Variants in PKIB observed in about 807,000 individuals in gnomAD.
PKIB encodes the protein PKI-beta.
A neutral mutation model predicts 4.5 loss-of-function variants in PKIB; 2 were observed. That is an observed-to-expected ratio of 0.44 (90% confidence interval 0.18 to 1.39). PKIB has a LOEUF of 1.39. Among genes scored for constraint, PKIB ranks in the 40% most tolerant of loss-of-function variants. The pLI is 0.27. For synonymous variants in PKIB, 38 were observed against 36.0 expected (o/e 1.06, Z -0.20); for missense variants, 94 against 92.6 (o/e 1.02, Z -0.06).
chr6:122,527,843 A>G (rs1460604091), intron 2 of PKIB, among the ~76,000 whole-genome samples: 1 of 152,218 alleles, frequency 6.6e-6, no homozygotes, highest in Non-Finnish European at 1.5e-5. Context: ...TTCAATTTGT[A>G]AGAAACACAA....
At chr6:122,533,718 T>C (rs1245326007) in intron 2 of PKIB, among the ~76,000 whole-genome samples, 1 of 152,192 alleles carries the variant, frequency 6.6e-6, no homozygotes. Context: ...TTTACAACTC[T>C]AAAGCTAACT....
upstream of PKIB, among the ~76,000 whole-genome samples, chr6:122,609,042 A>G (rs1229839598): frequency 7.0e-6 from 1 of 143,218 alleles, no homozygotes; most frequent in Non-Finnish European, 1.6e-5. Context: ...CACTAATGAT[A>G]TAAATAACTC....
chr6:122,686,463 A>AT (rs1327740322), intron 3 of PKIB, among the ~76,000 whole-genome samples: 9 of 150,962 alleles, frequency 6.0e-5, no homozygotes, highest in Non-Finnish European at 8.9e-5. Flanking sequence ...TTTGAGAAAT[A>AT]TTTTTTTTCA....
intron 2 of PKIB, among the ~76,000 whole-genome samples, chr6:122,642,400 T>G (rs1159375969): frequency 2.0e-5 from 3 of 152,220 alleles, no homozygotes; most frequent in Non-Finnish European, 2.9e-5. Context: ...TGCTTATGTT[T>G]AAAAAACACG....
intron 2 of PKIB, among the ~76,000 whole-genome samples, chr6:122,526,812 C>T (rs1460457916): frequency 1.3e-5 from 2 of 152,060 alleles, no homozygotes; most frequent in Non-Finnish European, 2.9e-5. Flanking sequence ...GCTAAAGTTA[C>T]CAGCTGTGTT....
intron 4 of PKIB, among the ~76,000 whole-genome samples, chr6:122,721,932 G>T (rs193191434): frequency 6.6e-6 from 1 of 152,044 alleles, no homozygotes; most frequent in Non-Finnish European, 1.5e-5. Context: ...TCAAAAAAGT[G>T]AGATAAGTAA....
chr6:122,663,554 G>A (rs1326145192), intron 2 of PKIB, among the ~76,000 whole-genome samples: 1 of 152,174 alleles, frequency 6.6e-6, no homozygotes, highest in African/African-American at 2.4e-5. Context: ...TGCTCCCTCT[G>A]ATGCCTAGAG....
At chr6:122,514,582 G>C (rs1776687978) in intron 2 of PKIB, among the ~76,000 whole-genome samples, 1 of 152,132 alleles carries the variant, frequency 6.6e-6, no homozygotes, top group South Asian at 2.1e-4. Flanking sequence ...ACAAAATAAG[G>C]GTTTAAAATA....
At chr6:122,714,730 G>A (rs2115063638) in intron 3 of PKIB, among the ~76,000 whole-genome samples, 1 of 152,216 alleles carries the variant, frequency 6.6e-6, no homozygotes, top group Non-Finnish European at 1.5e-5. Flanking sequence ...TTGGGTATTG[G>A]GCTTAATATC....
intron 2 of PKIB, among the ~76,000 whole-genome samples, chr6:122,574,283 A>C (rs911139997): frequency 1.3e-5 from 2 of 152,206 alleles, no homozygotes; most frequent in Non-Finnish European, 2.9e-5. Flanking sequence ...AAATGGAAAC[A>C]CATCTCCTGC....
intron 2 of PKIB, among the ~76,000 whole-genome samples, chr6:122,559,203 C>G (rs1211979371): frequency 6.6e-6 from 1 of 151,766 alleles, no homozygotes; most frequent in Non-Finnish European, 1.5e-5. Flanking sequence ...AAAAAGTGGG[C>G]TAAGGACATG....
At chr6:122,491,787 A>G (rs1005863234) in intron 2 of PKIB, among the ~76,000 whole-genome samples, 2 of 152,228 alleles carry the variant, frequency 1.3e-5, no homozygotes, top group Non-Finnish European at 2.9e-5. Flanking sequence ...ATCAAGAATC[A>G]CTGCATTATT....
At chr6:122,678,130 C>A (rs1427405705) in intron 3 of PKIB, among the ~76,000 whole-genome samples, 2 of 152,122 alleles carry the variant, frequency 1.3e-5, no homozygotes, top group Non-Finnish European at 2.9e-5. Context: ...GATCTACTGA[C>A]CTCATAATCT....
intron 2 of PKIB, among the ~76,000 whole-genome samples, chr6:122,490,324 G>A (rs1461754361): frequency 6.6e-6 from 1 of 152,172 alleles, no homozygotes; most frequent in African/African-American, 2.4e-5. Flanking sequence ...TTAGCGTGAG[G>A]ATGTTTATTA....
chr6:122,542,234 G>A lies in PKIB; in HGVS notation c.-247-43687G>A, dbSNP rs4454167. Among the ~76,000 whole-genome samples the A allele has an allele frequency of 7.2e-3, 1,091 of 152,122 alleles. 34 individuals are homozygous for A. The highest frequency in any genetic ancestry group is 0.025 in the African/African-American group (1,021 of 41,440). ...TGTTCTGTTGCTGGTGAGGAGCTGC[G>A]TTCCTTTGGAGGAGGAGAGGCACTC... On this transcript the variant is annotated intron_variant, in intron 2 of 6. Transcript: ENST00000392491.
intron 3 of PKIB, among the ~76,000 whole-genome samples, chr6:122,697,510 G>A (rs1489854978): frequency 2.0e-5 from 3 of 151,778 alleles, no homozygotes; most frequent in Middle Eastern, 3.2e-3. Context: ...CATGAACTTC[G>A]GGCATGTCTC....
intron 3 of PKIB, among the ~76,000 whole-genome samples, chr6:122,707,581 C>A (rs531750378): frequency 6.6e-6 from 1 of 152,194 alleles, no homozygotes; most frequent in African/African-American, 2.4e-5. Flanking sequence ...CAGTACTCAG[C>A]CATGTTCCTT....
intron 2 of PKIB, among the ~76,000 whole-genome samples, chr6:122,552,698 CAG>C: frequency 6.6e-6 from 1 of 152,308 alleles, no homozygotes; most frequent in East Asian, 1.9e-4. Context: ...AGTTCTAAAA[CAG>C]AGTGCCTCCA....
At chr6:122,502,864 A>G (rs1000463305) in intron 2 of PKIB, among the ~76,000 whole-genome samples, 4 of 152,176 alleles carry the variant, frequency 2.6e-5, no homozygotes, top group African/African-American at 9.7e-5. Context: ...TTTCCTTGAA[A>G]GAGTCAGTCA....
Sources: allele counts gnomAD v4.1 joint callset (sites outside exome capture counted in the v4.1 genomes callset), GRCh38; gene constraint gnomAD v4.1.1; transcripts MANE v1.5; gene names NCBI Gene and HGNC (gene_info 2026-07-23, HGNC 2026-07-21).